Variants in ACACA observed in about 807,000 individuals in gnomAD.
ACACA encodes the protein acetyl-CoA carboxylase alpha.
ACACA carries 103 observed loss-of-function variants against 296.1 expected under a neutral mutation model. That is an observed-to-expected ratio of 0.35 (90% CI 0.30 to 0.41). The LOEUF is 0.41. Among genes scored for constraint, ACACA ranks in the 10% least tolerant of loss-of-function variants. The pLI, the probability that ACACA is intolerant of heterozygous loss-of-function variation, is 1.00. For synonymous variants in ACACA, 953 were observed against 1,038.6 expected (o/e 0.92, Z 1.58); for missense variants, 1,554 against 2,989.7 (o/e 0.52, Z 11.20).
At chr17:37,231,432 T>C (rs2079855540) in intron 25 of ACACA, among the ~76,000 whole-genome samples, 1 of 152,222 alleles carries the variant, frequency 6.6e-6, no homozygotes, top group Non-Finnish European at 1.5e-5. Flanking sequence ...TCTGCACTTT[T>C]TGATATCCCA....
In ACACA at chr17:37,115,675, TA is replaced by T. The variant is rs537213078; in HGVS notation, c.6275-2411del. Among the ~76,000 whole-genome samples, 187 of 152,266 alleles carry T rather than the reference TA, an allele frequency of 1.2e-3. 1 individual carries two copies. Among genetic ancestry groups the T allele is most frequent in the Non-Finnish European group, 2.2e-3 (150 of 68,020 alleles). Reference sequence around the variant, plus strand: ...TTAAAATGTATTTTCATTCATCTATTAAAAAAATACTAGATTTCATAGTATA... The same window carrying T: ...TTAAAATGTATTTTCATTCATCTATTAAAAAATACTAGATTTCATAGTATA... On this transcript the variant is annotated intron_variant, in intron 50 of 55. Coordinates refer to ENST00000616317, the MANE Select transcript of ACACA (RefSeq NM_198834.3).
rs2073981793 is a variant in ACACA at position 37,111,741 on chromosome 17, T to C, written c.6453-98A>G. ...CAGTTACAATTTGTAGACCAGGAAA[T>C]AGCTTCATTATCATTTTGCCCACCT... On this transcript the variant is annotated intron_variant, in intron 51 of 55. Coordinates refer to ENST00000616317, the MANE Select transcript of ACACA (RefSeq NM_198834.3). 4 of 887,374 alleles carry C rather than the reference T, an allele frequency of 4.5e-6. No individual in the cohort carries two copies. The East Asian group carries it at 7.4e-5, about 16-fold the overall frequency. 55.0% of individuals were successfully genotyped at this position (887,374 alleles called of 1,614,324 possible). A position where few individuals can be genotyped will look rare whatever the true frequency, so the allele number is the denominator to read the frequency against.
chr17:37,390,389 G>A (rs2050827784), intron 1 of ACACA, among the ~76,000 whole-genome samples: 1 of 127,730 alleles, frequency 7.8e-6, no homozygotes, highest in Non-Finnish European at 1.6e-5. Flanking sequence ...AGCACGTTGG[G>A]AGGCCAAGGC....
At chr17:37,387,756 T>C (rs2050609125) in intron 1 of ACACA, 1 of 148,428 alleles carries the variant, frequency 6.7e-6, no homozygotes, top group Non-Finnish European at 1.5e-5. Context: ...TTCTTCACTG[T>C]TTTTTTAGCA....
At chr17:37,174,020 A>ATATATATATTTTT (rs552735515) in intron 41 of ACACA, among the ~76,000 whole-genome samples, 5 of 16,796 alleles carry the variant, frequency 3.0e-4, no homozygotes, top group African/African-American at 7.7e-4. Context: ...ATATATATAT[A>ATATATATATTTTT]TTTTTTTTTT....
In ACACA at chr17:37,206,841, G is replaced by A. The variant is rs1198804889; in HGVS notation, c.3890C>T (p.Pro1297Leu). ...DEVMGCFSDS[P>L]PQSPTFPEAG... Reference sequence around the variant, plus strand: ...CTCAGGGAATGTGGGACTCTGGGGTGGGGAGTCAGAGAAGCAGCCCATCAC... The same window carrying A: ...CTCAGGGAATGTGGGACTCTGGGGTAGGGAGTCAGAGAAGCAGCCCATCAC... The change falls in exon 32 of 56, where the codon CCA becomes CTA. Residue 1297 changes from proline to leucine, a missense_variant. Pro to Leu is a moderately conservative substitution (Grantham distance 98). Around this residue, in one of 16 missense-constraint regions of ACACA, gnomAD observed 179 missense variants for 283.2 expected, o/e 0.63. Coordinates refer to ENST00000616317, the MANE Select transcript of ACACA (RefSeq NM_198834.3). 5 of 1,613,798 alleles carry A rather than the reference G, an allele frequency of 3.1e-6. No homozygotes were observed. In the South Asian group the frequency reaches 5.5e-5, roughly 18 times the overall value.
intron 10 of ACACA, among the ~76,000 whole-genome samples, chr17:37,265,968 C>T (rs1263275331): frequency 2.0e-5 from 3 of 152,178 alleles, no homozygotes; most frequent in Admixed American, 2.0e-4. Context: ...TCCCTTGGTG[C>T]ATTCATCAAC....
At chr17:37,200,345 G>A in intron 34 of ACACA, 82 bp downstream of exon 34, 1 of 1,425,212 alleles carries the variant, frequency 7.0e-7, no homozygotes, top group Non-Finnish European at 9.9e-7. Context: ...CTATTAGTAA[G>A]TATAAGATTA....
rs1175636617 is a variant in ACACA at position 37,121,352 on chromosome 17, C to T, written c.6274+3G>A. On this transcript the variant is annotated splice_donor_region_variant and intron_variant, in intron 50 of 55. Transcript: ENST00000616317. ...CCCTCCAGCCCACAGGCAGCCCAGT[C>T]ACCTTTCATTCCACCAGAGAAGCCT... is the stretch of plus-strand genomic sequence containing the variant. 2 of 1,614,084 alleles carry T rather than the reference C, an allele frequency of 1.2e-6. No homozygotes were observed. Among genetic ancestry groups the T allele is most frequent in the African/African-American group, 2.7e-5 (2 of 75,028 alleles).
intron 1 of ACACA, among the ~76,000 whole-genome samples, chr17:37,343,274 G>A (rs889649611): frequency 5.9e-5 from 9 of 151,942 alleles, no homozygotes; most frequent in African/African-American, 1.2e-4. Context: ...CACTGTGGCC[G>A]GCCCAGAGAT....
In ACACA at chr17:37,244,664, A is replaced by G; in HGVS notation, c.2666T>C (p.Val889Ala). The G allele has an allele frequency of 6.2e-7, 1 of 1,614,114 alleles. No individual in the cohort carries two copies. The highest frequency in any genetic ancestry group is 1.1e-5 in the South Asian group (1 of 91,074). ...CAGATTATCCAGGACATAATGGAAC[A>G]CTCGATGGAGTTTCTCGCCTCTGAG... ...TALRGEKLHRVFHYVLDNLVN... is the reference protein window; with the variant it reads ...TALRGEKLHRAFHYVLDNLVN... The change falls in exon 21 of 56, where the codon GTG becomes GCG. Residue 889 changes from valine to alanine, a missense_variant. Val to Ala is a moderately conservative substitution (Grantham distance 64). Around this residue, in one of 16 missense-constraint regions of ACACA, gnomAD observed 316 missense variants for 540.9 expected, o/e 0.58. Coordinates refer to ENST00000616317, the MANE Select transcript of ACACA (RefSeq NM_198834.3).
intron 19 of ACACA, among the ~76,000 whole-genome samples, chr17:37,245,734 T>C (rs1317574830): frequency 2.0e-5 from 3 of 152,164 alleles, no homozygotes; most frequent in African/African-American, 7.2e-5. Context: ...CCCTACTTGC[T>C]ACATACCTCC....
intron 52 of ACACA, among the ~76,000 whole-genome samples, chr17:37,101,168 G>C (rs2073343651): frequency 6.6e-6 from 1 of 151,642 alleles, no homozygotes; most frequent in Admixed American, 6.6e-5. Flanking sequence ...TGTGGAGCAA[G>C]AGAGAATAAA....
intron 3 of ACACA, among the ~76,000 whole-genome samples, chr17:37,314,562 A>G (rs2046993332): frequency 6.6e-6 from 1 of 152,012 alleles, no homozygotes; most frequent in Non-Finnish European, 1.5e-5. Flanking sequence ...AAAGTATTAG[A>G]ATAACGATTC....
chr17:37,097,288 G>A lies in ACACA; in HGVS notation c.6721-122C>T. The A allele has an allele frequency of 2.6e-6, 3 of 1,138,152 alleles. No homozygotes were observed. Among genetic ancestry groups the A allele is most frequent in the Non-Finnish European group, 3.8e-6 (3 of 784,412 alleles). 70.5% of individuals were successfully genotyped at this position (1,138,152 alleles called of 1,614,324 possible). A position where few individuals can be genotyped will look rare whatever the true frequency, so the allele number is the denominator to read the frequency against. On this transcript the variant is annotated intron_variant, in intron 53 of 55. Transcript: ENST00000616317. This position sits in a 1 kb window ranked among gnomAD's most constrained non-coding sequence, Gnocchi z 4.8. Reference sequence around the variant, plus strand: ...CAAGCCCTTCACAGACCCAAGAGCTGGCTGTAAACTCCTAGCACTTCCAGA... The same window carrying A: ...CAAGCCCTTCACAGACCCAAGAGCTAGCTGTAAACTCCTAGCACTTCCAGA...
intron 43 of ACACA, among the ~76,000 whole-genome samples, chr17:37,155,478 T>C (rs2076204154): frequency 6.6e-6 from 1 of 152,182 alleles, no homozygotes; most frequent in African/African-American, 2.4e-5. Flanking sequence ...TAAAATGAAT[T>C]AAGTATTATA....
chr17:37,176,484 A>C (rs952095367), intron 41 of ACACA, among the ~76,000 whole-genome samples: 1 of 152,190 alleles, frequency 6.6e-6, no homozygotes, highest in African/African-American at 2.4e-5. Context: ...GACAGGACAG[A>C]TTTACTCCAA....
At chr17:37,215,664 GA>G (rs2078948705) in intron 29 of ACACA, among the ~76,000 whole-genome samples, 1 of 151,958 alleles carries the variant, frequency 6.6e-6, no homozygotes, top group South Asian at 2.1e-4. Context: ...ATGAGTCAAT[GA>G]ATTGTGCAAA....
chr17:37,340,759 C>A (rs2048342498), intron 1 of ACACA, among the ~76,000 whole-genome samples: 1 of 152,132 alleles, frequency 6.6e-6, no homozygotes, highest in African/African-American at 2.4e-5. Context: ...GATCATGTAA[C>A]CAAAGATGCA....
Sources: gnomAD v4.1 joint callset for allele counts (sites outside exome capture counted in the v4.1 genomes callset) on GRCh38, gnomAD v4.1.1 for gene constraint, gnomAD v4.1.1 regional missense constraint, Gnocchi (gnomAD v3.1) non-coding constraint, MANE v1.5 for transcripts, NCBI Gene and HGNC (gene_info 2026-07-23, HGNC 2026-07-21) for gene names.